The following C4orf36 variants were observed in gnomAD, a reference collection of about 807,000 sequenced individuals.
C4orf36 encodes the protein chromosome 4 open reading frame 36, also known as uncharacterized protein C4orf36.
In C4orf36, 11 loss-of-function variants were observed where a neutral mutation model predicts 12.2. The ratio of observed to expected loss-of-function variants is 0.90; its 90% confidence interval spans 0.57 to 1.49. C4orf36 has a LOEUF of 1.49. Ranked by LOEUF, C4orf36 falls within the 40% of genes most tolerant of loss-of-function variation. C4orf36 has a pLI of 0.00. For missense variants in C4orf36, 137 were observed against 133.9 expected (o/e 1.02, Z -0.11); for synonymous variants, 54 against 51.3 (o/e 1.05, Z -0.22).
At chr4:86,882,788 T>C (rs1375284197) in intron 4 of C4orf36, among the ~76,000 whole-genome samples, 2 of 152,196 alleles carry the variant, frequency 1.3e-5, no homozygotes, top group African/African-American at 4.8e-5. Context: ...TGTTTGCCCA[T>C]TGCACATGTG....
chr4:86,887,694 G>T (rs1747229278), intron 4 of C4orf36, 64 bp downstream of exon 4: 2 of 1,592,904 alleles, frequency 1.3e-6, no homozygotes, highest in South Asian at 2.2e-5. Context: ...CATAGTGAAA[G>T]GTCCAGAGAC....
At chr4:86,891,311 AAATCAGATCCCAGACACCTC>A in intron 2 of C4orf36, 125 bp downstream of exon 2, 1 of 643,174 alleles carries the variant, frequency 1.6e-6, no homozygotes, top group Non-Finnish European at 2.5e-6. Flanking sequence ...AAAAAAAAAA[AAATCAGATCCCAGACACCTC>A]AAAATACTTC....
chr4:86,915,003 T>C, the C4orf36 span, among the ~76,000 whole-genome samples: 3 of 152,144 alleles, frequency 2.0e-5, no homozygotes, highest in Admixed American at 6.5e-5. Context: ...CTCATTATCT[T>C]TGACATATTA....
chr4:86,918,810 CGTGTGTGT>C, the C4orf36 span, among the ~76,000 whole-genome samples: 10 of 150,118 alleles, frequency 6.7e-5, no homozygotes, highest in East Asian at 4.0e-4. Flanking sequence ...GTTGTGTGTG[CGTGTGTGT>C]GTGTGTGTGT....
rs374531650 is a variant in C4orf36, at chr4:86,891,544, C to T, written c.-24G>A. Reference sequence around the variant, plus strand: ...ATGGTGAGTTATTACGGTATGATTTCGTTACATAGGTGCCTGATGGAATGT... The same window carrying T: ...ATGGTGAGTTATTACGGTATGATTTTGTTACATAGGTGCCTGATGGAATGT... On this transcript the variant is annotated 5_prime_UTR_variant, in exon 2 of 5. Transcript: ENST00000295898. 41 of 1,613,784 alleles carry T rather than the reference C, an allele frequency of 2.5e-5. No homozygotes were observed. Among genetic ancestry groups the T allele is most frequent in the Non-Finnish European group, 3.4e-5 (40 of 1,179,966 alleles).
the C4orf36 span, among the ~76,000 whole-genome samples, chr4:86,922,426 C>T: frequency 6.6e-6 from 1 of 152,166 alleles, no homozygotes; most frequent in African/African-American, 2.4e-5. Flanking sequence ...AACACTGTGC[C>T]AGTTATCAAT....
chr4:86,913,015 T>C, the C4orf36 span, among the ~76,000 whole-genome samples: 1 of 151,342 alleles, frequency 6.6e-6, no homozygotes, highest in Non-Finnish European at 1.5e-5. Flanking sequence ...CAATTTTCCA[T>C]AATAAACTGC....
the C4orf36 span, among the ~76,000 whole-genome samples, chr4:86,922,579 G>A: frequency 3.3e-5 from 5 of 152,158 alleles, no homozygotes; most frequent in Non-Finnish European, 5.9e-5. Flanking sequence ...GACACTGCAG[G>A]CATAGCAGAG....
chr4:86,908,168 T>TACACACACACAC, the C4orf36 span, among the ~76,000 whole-genome samples: 22 of 140,968 alleles, frequency 1.6e-4, no homozygotes, highest in African/African-American at 5.2e-4. Flanking sequence ...ACTTTCAACA[T>TACACACACACAC]ACACACACAC....
At chr4:86,906,079 A>G in the C4orf36 span, among the ~76,000 whole-genome samples, 6 of 152,224 alleles carry the variant, frequency 3.9e-5, no homozygotes, top group Admixed American at 2.0e-4. Flanking sequence ...AACCGGGGCT[A>G]GGTGGGATGG....
In C4orf36 at chr4:86,877,595, T is replaced by C. The variant is rs768088407; in HGVS notation, c.*3-1152A>G. Among the ~76,000 whole-genome samples the C allele has an allele frequency of 9.1e-4, 139 of 152,362 alleles. 1 individual carries two copies. The Middle Eastern group carries it at 0.014, about 15-fold the overall frequency. On this transcript the variant is annotated intron_variant, in intron 4 of 4. Coordinates refer to ENST00000295898, the MANE Select transcript of C4orf36 (RefSeq NM_144645.4). Reference sequence around the variant, plus strand: ...CAGAGCCTGGGTTCCTGACAACTTTTTTCAGGGATGAGGATCACTAAATCA... The same window carrying C: ...CAGAGCCTGGGTTCCTGACAACTTTCTTCAGGGATGAGGATCACTAAATCA...
the C4orf36 span, among the ~76,000 whole-genome samples, chr4:86,908,218 C>CACACAT: frequency 9.7e-3 from 1,435 of 148,676 alleles, 48 homozygotes; most frequent in East Asian, 0.025. Context: ...CACACACACA[C>CACACAT]GTTGCTGGTG....
At chr4:86,922,947 TC>T in the C4orf36 span, among the ~76,000 whole-genome samples, 12 of 148,694 alleles carry the variant, frequency 8.1e-5, no homozygotes, top group East Asian at 1.7e-3. Context: ...TTCTTCTTCT[TC>T]CTTTTTTTTT....
chr4:86,916,945 G>A, the C4orf36 span, among the ~76,000 whole-genome samples: 6 of 152,110 alleles, frequency 3.9e-5, no homozygotes. Context: ...TTGAGCTCCA[G>A]TAAGAAAATA....
chr4:86,882,579 T>C (rs1022307147), intron 4 of C4orf36, among the ~76,000 whole-genome samples: 7 of 152,154 alleles, frequency 4.6e-5, no homozygotes, highest in East Asian at 3.8e-4. Context: ...ACAACTCTGA[T>C]TGAGCAGAGG....
the C4orf36 span, chr4:86,925,726 AT>A: frequency 6.6e-6 from 1 of 151,646 alleles, no homozygotes; most frequent in Admixed American, 6.6e-5. Flanking sequence ...TTCTTTATGT[AT>A]GTTACTTTGA....
the C4orf36 span, among the ~76,000 whole-genome samples, chr4:86,928,497 G>C: frequency 6.6e-6 from 1 of 152,120 alleles, no homozygotes; most frequent in African/African-American, 2.4e-5. Flanking sequence ...AAGGTGGTTT[G>C]GGAGAATCTA....
At chr4:86,919,692 A>G in the C4orf36 span, among the ~76,000 whole-genome samples, 1 of 152,128 alleles carries the variant, frequency 6.6e-6, no homozygotes, top group East Asian at 1.9e-4. Context: ...ATCTTACTGT[A>G]TGTGGTTAAA....
the C4orf36 span, among the ~76,000 whole-genome samples, chr4:86,933,816 C>G: frequency 6.6e-6 from 1 of 152,218 alleles, no homozygotes; most frequent in Admixed American, 6.5e-5. Context: ...ATAGATACAC[C>G]ACCAGGTTTC....
Sources: allele counts gnomAD v4.1 joint callset (sites outside exome capture counted in the v4.1 genomes callset), GRCh38; gene constraint gnomAD v4.1.1; transcripts MANE v1.5; gene names NCBI Gene and HGNC (gene_info 2026-07-23, HGNC 2026-07-21).